Variants in SLC39A11 observed in about 807,000 individuals in gnomAD.
SLC39A11 encodes zinc transporter ZIP11.
In SLC39A11, 33 loss-of-function variants were observed where a neutral mutation model predicts 36.1. The ratio of observed to expected loss-of-function variants is 0.91; its 90% CI spans 0.69 to 1.22. SLC39A11 has a LOEUF of 1.22. SLC39A11 is among the 50% of genes most tolerant of loss of function. The pLI is 0.00. For missense variants in SLC39A11, 432 were observed against 430.3 expected, an observed-to-expected ratio of 1.00 and a Z score of -0.03; for synonymous variants, 166 against 170.3, an observed-to-expected ratio of 0.97 and a Z score of 0.20.
At chr17:72,747,254 T>G (rs2074976084) in intron 6 of SLC39A11, among the ~76,000 whole-genome samples, 1 of 152,040 alleles carries the variant, frequency 6.6e-6, no homozygotes, top group Non-Finnish European at 1.5e-5. Flanking sequence ...GCAATCTCAG[T>G]TCACTGCAAC....
chr17:72,736,860 GAAAC>G, intron 6 of SLC39A11, 141 bp from the exon 7 acceptor site: 1 of 715,136 alleles, frequency 1.4e-6, no homozygotes, highest in Middle Eastern at 2.4e-4. Flanking sequence ...TAAACCCAGG[GAAAC>G]TAAGTCATGG....
chr17:72,902,745 G>C (rs1206851437), intron 5 of SLC39A11, among the ~76,000 whole-genome samples: 1 of 152,150 alleles, frequency 6.6e-6, no homozygotes, highest in Non-Finnish European at 1.5e-5. Flanking sequence ...GGTAAACCAG[G>C]TGTACAATTA....
intron 3 of SLC39A11, among the ~76,000 whole-genome samples, chr17:73,044,098 C>A (rs2059193519): frequency 6.6e-6 from 1 of 151,962 alleles, no homozygotes; most frequent in African/African-American, 2.4e-5. Context: ...TAATGATGGG[C>A]AGGAGCTTGG....
At chr17:73,046,686 AC>A (rs768069563) in intron 3 of SLC39A11, among the ~76,000 whole-genome samples, 24 of 151,902 alleles carry the variant, frequency 1.6e-4, no homozygotes, top group Admixed American at 5.9e-4. Context: ...AGTGACTCAC[AC>A]CCCCAGCACT....
intron 6 of SLC39A11, 138 bp from the exon 7 acceptor site, chr17:72,736,857 A>G: frequency 1.4e-6 from 1 of 720,110 alleles, no homozygotes; most frequent in South Asian, 1.6e-5. Context: ...GCTTAAACCC[A>G]GGGAAACTAA....
chr17:72,871,814 G>C (rs1311866082), intron 5 of SLC39A11, among the ~76,000 whole-genome samples: 1 of 152,174 alleles, frequency 6.6e-6, no homozygotes, highest in Non-Finnish European at 1.5e-5. Flanking sequence ...CTTGAGGAGG[G>C]GGTTGTGGGG....
At chr17:73,058,009 CTTTTTT>C (rs11322974) in intron 3 of SLC39A11, among the ~76,000 whole-genome samples, 1 of 118,510 alleles carries the variant, frequency 8.4e-6, no homozygotes, top group African/African-American at 3.0e-5. Flanking sequence ...GTTTTAGACT[CTTTTTT>C]TTTTTTTTTT....
At chr17:73,026,229 G>GAGAAC (rs1234714038) in intron 4 of SLC39A11, among the ~76,000 whole-genome samples, 1 of 151,268 alleles carries the variant, frequency 6.6e-6, no homozygotes, top group African/African-American at 2.4e-5. Context: ...GAGAAGAGAA[G>GAGAAC]AGAAAAGGGA....
intron 5 of SLC39A11, among the ~76,000 whole-genome samples, chr17:72,884,780 G>A (rs898657888): frequency 6.6e-6 from 1 of 152,182 alleles, no homozygotes; most frequent in Non-Finnish European, 1.5e-5. Context: ...AAACCTTAAA[G>A]CTACTAAGTC....
At chr17:73,080,499 G>A (rs191520527) in intron 3 of SLC39A11, among the ~76,000 whole-genome samples, 5 of 152,194 alleles carry the variant, frequency 3.3e-5, no homozygotes, top group African/African-American at 4.8e-5. Flanking sequence ...ATGGATCAAA[G>A]ACTTAAATGT....
intron 3 of SLC39A11, among the ~76,000 whole-genome samples, chr17:73,082,679 G>A (rs2144772342): frequency 6.6e-6 from 1 of 152,184 alleles, no homozygotes; most frequent in Non-Finnish European, 1.5e-5. Flanking sequence ...AATTTGATTA[G>A]ATCCACCTTC....
intron 6 of SLC39A11, among the ~76,000 whole-genome samples, chr17:72,779,468 G>A (rs12942980): frequency 0.52 from 79,127 of 151,926 alleles, 24,925 homozygotes; most frequent in Non-Finnish European, 0.72. Context: ...AAGAGCATTT[G>A]GAGGGGGCTG....
intron 6 of SLC39A11, among the ~76,000 whole-genome samples, chr17:72,790,932 C>T (rs1406576556): frequency 1.8e-4 from 27 of 152,168 alleles, no homozygotes; most frequent in Admixed American, 1.8e-3. Context: ...AATGGTGAGG[C>T]CAATCCATGT....
At chr17:72,795,043 T>C (rs1471669879) in intron 6 of SLC39A11, among the ~76,000 whole-genome samples, 2 of 152,120 alleles carry the variant, frequency 1.3e-5, no homozygotes, top group Non-Finnish European at 2.9e-5. Context: ...GAAGTTATGA[T>C]AACATTTTCA....
intron 5 of SLC39A11, among the ~76,000 whole-genome samples, chr17:72,928,397 C>T (rs1462843349): frequency 6.6e-6 from 1 of 152,194 alleles, no homozygotes; most frequent in African/African-American, 2.4e-5. Flanking sequence ...TTCTATCCCA[C>T]CTGCCAGCAA....
At chr17:73,083,974 G>C (rs1568248364) in intron 3 of SLC39A11, among the ~76,000 whole-genome samples, 2 of 152,098 alleles carry the variant, frequency 1.3e-5, no homozygotes, top group Admixed American at 1.3e-4. Context: ...TTTACAGGTG[G>C]AATTACATGT....
chr17:72,665,389 G>GTTTTT (rs780329919), intron 7 of SLC39A11, among the ~76,000 whole-genome samples: 6,641 of 76,242 alleles, frequency 0.087, 1,074 homozygotes, highest in African/African-American at 0.2. Flanking sequence ...GTTTTGAGGT[G>GTTTTT]TTTTTTTTTT....
intron 4 of SLC39A11, among the ~76,000 whole-genome samples, chr17:73,006,674 ACACATG>A (rs1332954266): frequency 6.6e-6 from 1 of 151,984 alleles, no homozygotes; most frequent in East Asian, 1.9e-4. Flanking sequence ...ACACACACAC[ACACATG>A]CACACACGCA....
intron 3 of SLC39A11, among the ~76,000 whole-genome samples, chr17:73,038,156 GGAGGTGGCAGTGAACT>G (rs1250842941): frequency 4.6e-5 from 7 of 151,902 alleles, no homozygotes; most frequent in African/African-American, 1.7e-4. Context: ...CCCGGGAGGC[GGAGGTGGCAGTGAACT>G]GAGATCACAC....
Sources: gnomAD v4.1 joint callset for allele counts (sites outside exome capture counted in the v4.1 genomes callset) on GRCh38, gnomAD v4.1.1 for gene constraint, MANE v1.5 for transcripts, NCBI Gene and HGNC (gene_info 2026-07-23, HGNC 2026-07-21) for gene names.